The following NRG1 variants were observed in gnomAD, a reference collection of about 807,000 sequenced individuals.
The protein encoded by NRG1 is neuregulin 1, also known as pro-neuregulin-1, membrane-bound isoform.
A neutral mutation model predicts 63.8 loss-of-function variants in NRG1; 18 were observed. The observed-to-expected ratio is 0.28, with a 90% CI of 0.19 to 0.42. The LOEUF (loss-of-function observed/expected upper bound fraction) is 0.42, where lower values mean the gene tolerates loss of function less well. Ranked by LOEUF, NRG1 falls within the 10% of genes least tolerant of loss-of-function variation. The pLI, the probability that NRG1 is intolerant of heterozygous loss-of-function variation, is 1.00. For synonymous variants in NRG1, 302 were observed against 301.3 expected, an observed-to-expected ratio of 1.00 and a Z score of -0.02; for missense variants, 762 against 814.7, an observed-to-expected ratio of 0.94 and a Z score of 0.79.
intron 1 of NRG1, among the ~76,000 whole-genome samples, chr8:32,301,459 A>T (rs1855555939): frequency 6.6e-6 from 1 of 152,202 alleles, no homozygotes; most frequent in Admixed American, 6.5e-5. Flanking sequence ...TTTGTTTTAG[A>T]TTTGCCCTAA....
chr8:32,683,364 A>G (rs1039233518), intron 5 of NRG1, among the ~76,000 whole-genome samples: 1 of 152,220 alleles, frequency 6.6e-6, no homozygotes, highest in African/African-American at 2.4e-5. Flanking sequence ...GCATTTGCAG[A>G]AAGATTCAGT....
At chr8:31,933,927 G>GA (rs971518573) in intron 1 of NRG1, among the ~76,000 whole-genome samples, 1 of 152,006 alleles carries the variant, frequency 6.6e-6, no homozygotes, top group Non-Finnish European at 1.5e-5. Context: ...ACCTGTGATG[G>GA]AAAAAATGCA....
Position 32,341,685 on chromosome 8 carries a change from G to A in NRG1, c.38-254143G>A, listed in dbSNP as rs558056733. ...CCGTGTCCGTTCTCAGGCAGTGATA[G>A]GCATGCTATCATCTCAATTCTTAAA... is the stretch of plus-strand genomic sequence containing the variant. On this transcript the variant is annotated intron_variant, in intron 1 of 10. Transcript: ENST00000519301. 1.2e-3 allele frequency among the ~76,000 whole-genome samples: 183 copies of A among 152,252 alleles called. 1 individual carries two copies. The highest frequency in any genetic ancestry group is 4.3e-3 in the African/African-American group (180 of 41,558).
chr8:31,938,811 C>T lies in NRG1; in HGVS notation c.37+299380C>T, dbSNP rs192953768. 4.7e-4 allele frequency among the ~76,000 whole-genome samples: 72 copies of T among 152,232 alleles called. 1 individual carries two copies. The highest frequency in any genetic ancestry group is 4.2e-3 in the Admixed American group (64 of 15,296). On this transcript the variant is annotated intron_variant, in intron 1 of 10. Coordinates refer to the NRG1 transcript ENST00000519301. Reference sequence around the variant, plus strand: ...AGAATCAAACAGGCAGAAGAAAGAACTTCTGAGCTCGAAGACAAGGCATTT... The same window carrying T: ...AGAATCAAACAGGCAGAAGAAAGAATTTCTGAGCTCGAAGACAAGGCATTT...
At chr8:32,667,682 A>T (rs2128887392) in intron 5 of NRG1, among the ~76,000 whole-genome samples, 1 of 152,218 alleles carries the variant, frequency 6.6e-6, no homozygotes, top group South Asian at 2.1e-4. Flanking sequence ...TAGAGCAGAG[A>T]CTTAGAGTTC....
intron 1 of NRG1, among the ~76,000 whole-genome samples, chr8:32,399,311 T>C (rs758113637): frequency 6.6e-6 from 1 of 152,246 alleles, no homozygotes; most frequent in African/African-American, 2.4e-5. Flanking sequence ...ACCTTCTGTT[T>C]GTCTTTTCTG....
At chr8:32,157,320 G>T (rs1244965788) in intron 1 of NRG1, among the ~76,000 whole-genome samples, 2 of 145,096 alleles carry the variant, frequency 1.4e-5, no homozygotes, top group Non-Finnish European at 3.0e-5. Context: ...AGCTGAGATG[G>T]TGCCACCGCA....
intron 5 of NRG1, among the ~76,000 whole-genome samples, chr8:32,726,981 T>G (rs766954141): frequency 6.6e-6 from 1 of 152,114 alleles, no homozygotes; most frequent in Non-Finnish European, 1.5e-5. Context: ...GGTTTTGCTT[T>G]TCATCCTGAA....
At chr8:32,690,601 C>A (rs2128935081) in intron 5 of NRG1, among the ~76,000 whole-genome samples, 1 of 152,172 alleles carries the variant, frequency 6.6e-6, no homozygotes, top group South Asian at 2.1e-4. Flanking sequence ...AAGCTCTGAG[C>A]CAGTGATAGT....
chr8:31,865,105 A>C (rs1253423007), intron 1 of NRG1, among the ~76,000 whole-genome samples: 1 of 152,126 alleles, frequency 6.6e-6, no homozygotes, highest in Non-Finnish European at 1.5e-5. Context: ...TGGGCATCTC[A>C]GTAACTTTTG....
intron 3 of NRG1, among the ~76,000 whole-genome samples, chr8:32,607,008 G>A (rs969341588): frequency 6.6e-6 from 1 of 152,122 alleles, no homozygotes; most frequent in African/African-American, 2.4e-5. Context: ...CTCCATCACA[G>A]AGTAATCAAA....
intron 1 of NRG1, among the ~76,000 whole-genome samples, chr8:32,241,384 G>A (rs540413770): frequency 6.6e-6 from 1 of 152,106 alleles, no homozygotes; most frequent in South Asian, 2.1e-4. Flanking sequence ...CAGTATGTTG[G>A]CTGGTAAGAA....
At chr8:32,392,408 A>T (rs1244801142) in intron 1 of NRG1, among the ~76,000 whole-genome samples, 2 of 152,238 alleles carry the variant, frequency 1.3e-5, no homozygotes, top group Non-Finnish European at 2.9e-5. Flanking sequence ...GAGTAAAAAC[A>T]TGGGAAGGCA....
intron 1 of NRG1, among the ~76,000 whole-genome samples, chr8:32,293,718 C>CTTTTTTTTTTTTTTTTTTT (rs770993591): frequency 2.6e-4 from 28 of 108,272 alleles, no homozygotes; most frequent in African/African-American, 4.5e-4. Context: ...TTTTCTTCTT[C>CTTTTTTTTTTTTTTTTTTT]TTTTTTTTTT....
intron 1 of NRG1, among the ~76,000 whole-genome samples, chr8:32,500,569 G>A (rs1331864253): frequency 6.6e-6 from 1 of 152,164 alleles, no homozygotes; most frequent in African/African-American, 2.4e-5. Context: ...GACAGCCAAT[G>A]TTTCCAATTG....
chr8:32,451,327 A>T (rs1016576756), intron 1 of NRG1, among the ~76,000 whole-genome samples: 2 of 151,966 alleles, frequency 1.3e-5, no homozygotes, highest in Non-Finnish European at 2.9e-5. Flanking sequence ...CATAGGCTCC[A>T]CTCATTTCTA....
intron 1 of NRG1, among the ~76,000 whole-genome samples, chr8:32,385,242 C>G (rs28533366): frequency 0.36 from 55,134 of 151,746 alleles, 10,614 homozygotes; most frequent in Middle Eastern, 0.43. Flanking sequence ...TAGCCAGGAT[C>G]GTCTCGGTCT....
chr8:31,648,744 T>A (rs976482472), intron 1 of NRG1, among the ~76,000 whole-genome samples: 3 of 152,208 alleles, frequency 2.0e-5, no homozygotes, highest in Non-Finnish European at 1.5e-5. Flanking sequence ...TTCCTTCTTT[T>A]GAAAGGCTCA....
At chr8:32,373,801 A>G (rs1313577508) in intron 1 of NRG1, among the ~76,000 whole-genome samples, 1 of 152,100 alleles carries the variant, frequency 6.6e-6, no homozygotes, top group Non-Finnish European at 1.5e-5. Flanking sequence ...AAATCAATAT[A>G]TGGTAATCTA....
Sources: gnomAD v4.1 joint callset for allele counts (sites outside exome capture counted in the v4.1 genomes callset) on GRCh38, gnomAD v4.1.1 for gene constraint, MANE v1.5 for transcripts, NCBI Gene and HGNC (gene_info 2026-07-23, HGNC 2026-07-21) for gene names.